Variants in GALNT16 observed in about 807,000 individuals in gnomAD.
GALNT16 encodes UDP-GalNAc:polypeptide N-acetylgalactosaminyltransferase-like protein 1.
A neutral mutation model predicts 76.1 loss-of-function variants in GALNT16; 40 were observed. The ratio of observed to expected loss-of-function variants is 0.53; its 90% CI spans 0.41 to 0.68. The LOEUF (loss-of-function observed/expected upper bound fraction) is 0.68, where lower values mean the gene tolerates loss of function less well. GALNT16 is among the 30% of genes least tolerant of loss of function. The pLI, the probability that GALNT16 is intolerant of heterozygous loss-of-function variation, is 0.00. For missense variants in GALNT16, 621 were observed against 731.9 expected (o/e 0.85, Z 1.75); for synonymous variants, 276 against 285.2 (o/e 0.97, Z 0.32).
intron 1 of GALNT16, among the ~76,000 whole-genome samples, chr14:69,316,782 G>GGGGGGGGC (rs2045108457): frequency 2.1e-5 from 3 of 139,684 alleles, no homozygotes; most frequent in African/African-American, 5.5e-5. Flanking sequence ...TGTGAGGGGG[G>GGGGGGGGC]GGGGCACTGA....
downstream of GALNT16, chr14:69,358,794 AC>A (rs1566894282): frequency 6.6e-6 from 1 of 152,298 alleles, no homozygotes; most frequent in Non-Finnish European, 1.5e-5. Context: ...CCCATGAACC[AC>A]CGATGGTTAC....
At chr14:69,276,751 G>A (rs78678982) in intron 1 of GALNT16, among the ~76,000 whole-genome samples, 2 of 152,210 alleles carry the variant, frequency 1.3e-5, no homozygotes, top group African/African-American at 4.8e-5. Flanking sequence ...AATTCTGGTG[G>A]CAGTGCAAGT....
At chr14:69,309,265 G>A (rs938746852) in intron 1 of GALNT16, among the ~76,000 whole-genome samples, 1 of 150,978 alleles carries the variant, frequency 6.6e-6, no homozygotes, top group African/African-American at 2.4e-5. Flanking sequence ...TGCCACCTAC[G>A]TTTCATCTTT....
chr14:69,351,875 G>A, intron 14 of GALNT16, 156 bp from the exon 15 acceptor site: 1 of 661,568 alleles, frequency 1.5e-6, no homozygotes, highest in Non-Finnish European at 2.5e-6. Context: ...TAGCACCACT[G>A]TAAGAACAAG....
chr14:69,266,215 C>T (rs1436800046), intron 1 of GALNT16, among the ~76,000 whole-genome samples: 3 of 152,200 alleles, frequency 2.0e-5, no homozygotes, highest in Non-Finnish European at 4.4e-5. Context: ...GCTCCACAAA[C>T]ATTCGATGGG....
intron 1 of GALNT16, among the ~76,000 whole-genome samples, chr14:69,264,198 A>G (rs934588409): frequency 3.9e-5 from 6 of 152,208 alleles, no homozygotes; most frequent in Admixed American, 2.0e-4. Context: ...CCTATTTAGA[A>G]CTGTGAAAGA....
chr14:69,278,149 C>T (rs1271723702), intron 1 of GALNT16, among the ~76,000 whole-genome samples: 1 of 152,016 alleles, frequency 6.6e-6, no homozygotes, highest in Non-Finnish European at 1.5e-5. Flanking sequence ...GCTAGGACTA[C>T]AGGTGCACAC....
chr14:69,347,218 C>G, intron 13 of GALNT16, 37 bp downstream of exon 13: 1 of 1,557,986 alleles, frequency 6.4e-7, no homozygotes, highest in Non-Finnish European at 8.7e-7. Context: ...TGGGAGAGAG[C>G]TGGAGGCATT....
chr14:69,326,988 A>G (rs933432601), intron 5 of GALNT16, among the ~76,000 whole-genome samples: 2 of 152,216 alleles, frequency 1.3e-5, no homozygotes, highest in African/African-American at 4.8e-5. Context: ...TTGAGATGAT[A>G]GAAGACCTTG....
chr14:69,365,284 C>A, the GALNT16 span, among the ~76,000 whole-genome samples: 1 of 152,088 alleles, frequency 6.6e-6, no homozygotes, highest in Non-Finnish European at 1.5e-5. Flanking sequence ...TCATCTAATT[C>A]ATAAATAATT....
intron 1 of GALNT16, among the ~76,000 whole-genome samples, chr14:69,283,407 C>G (rs965927188): frequency 6.6e-6 from 1 of 152,158 alleles, no homozygotes. Context: ...TCTTTGCTCA[C>G]TTGGTCTTTC....
At chr14:69,361,739 G>A (rs982585812), downstream of GALNT16, among the ~76,000 whole-genome samples, 1 of 152,114 alleles carries the variant, frequency 6.6e-6, no homozygotes, top group Non-Finnish European at 1.5e-5. Context: ...CAGTGCGGTG[G>A]CTCACACCTG....
chr14:69,352,008 T>C, intron 14 of GALNT16, 23 bp from the exon 15 acceptor site: 1 of 1,599,910 alleles, frequency 6.3e-7, no homozygotes, highest in Non-Finnish European at 8.5e-7. Context: ...CTTCCTCTTC[T>C]AACCCATCTC....
chr14:69,364,637 C>T, the GALNT16 span, among the ~76,000 whole-genome samples: 1 of 152,204 alleles, frequency 6.6e-6, no homozygotes, highest in Non-Finnish European at 1.5e-5. The surrounding 1 kb of genome is among the most constrained non-coding windows in gnomAD (Gnocchi z 4.2). Flanking sequence ...TCTGTATTTG[C>T]ATACAAATTG....
the GALNT16 span, among the ~76,000 whole-genome samples, chr14:69,365,947 G>A: frequency 0.13 from 19,270 of 152,186 alleles, 1,350 homozygotes; most frequent in East Asian, 0.18. Flanking sequence ...AGAGAAACAA[G>A]TAAACCAAAA....
chr14:69,368,346 CAG>C, the GALNT16 span, among the ~76,000 whole-genome samples: 1 of 152,170 alleles, frequency 6.6e-6, no homozygotes, highest in African/African-American at 2.4e-5. Flanking sequence ...GGTTCTGGCT[CAG>C]AGACTCTCAT....
chr14:69,323,271 G>A (rs982809172), intron 2 of GALNT16, among the ~76,000 whole-genome samples: 6 of 152,208 alleles, frequency 3.9e-5, no homozygotes, highest in Non-Finnish European at 7.3e-5. Context: ...ACTCAGGGCT[G>A]GGACAAACCC....
chr14:69,372,186 G>GA, the GALNT16 span, among the ~76,000 whole-genome samples: 1 of 152,118 alleles, frequency 6.6e-6, no homozygotes, highest in African/African-American at 2.4e-5. Flanking sequence ...TGTCTAGGCA[G>GA]AAGGTGGCTG....
intron 1 of GALNT16, among the ~76,000 whole-genome samples, chr14:69,320,056 C>T (rs976372775): frequency 4.6e-5 from 7 of 151,830 alleles, no homozygotes; most frequent in Admixed American, 2.6e-4. Context: ...GGACACCTTG[C>T]CTTAGAGGTC....
Sources: gnomAD v4.1 joint callset for allele counts (sites outside exome capture counted in the v4.1 genomes callset) on GRCh38, gnomAD v4.1.1 for gene constraint, Gnocchi (gnomAD v3.1) non-coding constraint, MANE v1.5 for transcripts, NCBI Gene and HGNC (gene_info 2026-07-23, HGNC 2026-07-21) for gene names.